The following HMGB1 variants were observed in gnomAD, a reference collection of about 807,000 sequenced individuals.
The protein encoded by HMGB1 is high mobility group protein B1.
For synonymous variants in HMGB1, 81 were observed against 84.0 expected, an observed-to-expected ratio of 0.96 and a Z score of 0.19; for missense variants, 79 against 253.5, an observed-to-expected ratio of 0.31 and a Z score of 4.67.
chr13:30,519,492 G>C (rs900538249), intron 1 of HMGB1, among the ~76,000 whole-genome samples: 1 of 149,890 alleles, frequency 6.7e-6, no homozygotes, highest in African/African-American at 2.5e-5. Flanking sequence ...TCAGGAGATC[G>C]AGACCATCCC....
At chr13:30,499,501 T>A (rs1225094096) in intron 1 of HMGB1, among the ~76,000 whole-genome samples, 1 of 152,216 alleles carries the variant, frequency 6.6e-6, no homozygotes, top group Non-Finnish European at 1.5e-5. Context: ...TTTTTCTTGT[T>A]TCAAACTGAG....
intron 1 of HMGB1, among the ~76,000 whole-genome samples, chr13:30,536,272 A>G (rs1473327034): frequency 6.6e-6 from 1 of 152,242 alleles, no homozygotes; most frequent in Non-Finnish European, 1.5e-5. Context: ...TTGACTTCCT[A>G]TCATAGGGTA....
chr13:30,558,402 AT>A (rs772844307), intron 1 of HMGB1, among the ~76,000 whole-genome samples: 59 of 152,364 alleles, frequency 3.9e-4, no homozygotes, highest in Non-Finnish European at 7.1e-4. Context: ...CTTACATCTC[AT>A]TCTTAGCCAA....
chr13:30,525,827 G>A (rs1305419053), intron 1 of HMGB1, among the ~76,000 whole-genome samples: 1 of 148,092 alleles, frequency 6.8e-6, no homozygotes, highest in Non-Finnish European at 1.5e-5. Flanking sequence ...TCCCTTGACA[G>A]GTGGGGATTA....
chr13:30,518,443 T>G (rs1163578720), intron 1 of HMGB1, among the ~76,000 whole-genome samples: 3 of 152,220 alleles, frequency 2.0e-5, no homozygotes, highest in African/African-American at 7.2e-5. Context: ...AAAGGTGTCC[T>G]GGCAGAACAT....
At chr13:30,604,755 T>G (rs1277223718) in intron 1 of HMGB1, among the ~76,000 whole-genome samples, 3 of 152,198 alleles carry the variant, frequency 2.0e-5, no homozygotes, top group African/African-American at 7.2e-5. Flanking sequence ...CCTCCTGGGT[T>G]CACGCCATTC....
intron 1 of HMGB1, among the ~76,000 whole-genome samples, chr13:30,518,846 C>CAAA (rs58109089): frequency 2.2e-5 from 2 of 89,004 alleles, no homozygotes; most frequent in Admixed American, 2.4e-4. Flanking sequence ...GCTGGGACCA[C>CAAA]AAAAAAAAAA....
chr13:30,595,613 A>G (rs1412163071), intron 1 of HMGB1, among the ~76,000 whole-genome samples: 1 of 152,248 alleles, frequency 6.6e-6, no homozygotes, highest in African/African-American at 2.4e-5. Flanking sequence ...ATCCAGGAGC[A>G]GCTTAACTGG....
At position 30,463,369 on chromosome 13, in the gene HMGB1, T is replaced by C; in HGVS notation, c.151-17A>G. ...AGACATGGTCTACAAAATAATTATT[T>C]GTAAGTTTAAGTTGTAACATTTAAG... On this transcript the variant is annotated splice_polypyrimidine_tract_variant and intron_variant, in intron 2 of 4. Coordinates refer to ENST00000341423, the MANE Select transcript of HMGB1 (RefSeq NM_002128.7). 6.3e-7 allele frequency: 1 copy of C among 1,586,698 alleles called. No individual in the cohort carries two copies.
chr13:30,462,301 A>C (rs1343466011), intron 4 of HMGB1: 2 of 530,640 alleles, frequency 3.8e-6, no homozygotes, highest in Non-Finnish European at 6.9e-6. Flanking sequence ...ACTTCAAGAT[A>C]CTGGGGAATA....
intron 1 of HMGB1, among the ~76,000 whole-genome samples, chr13:30,587,043 T>C (rs947172531): frequency 6.6e-6 from 1 of 152,194 alleles, no homozygotes; most frequent in African/African-American, 2.4e-5. Context: ...AAAACTTTAC[T>C]TTGTAGGATT....
intron 1 of HMGB1, among the ~76,000 whole-genome samples, chr13:30,535,914 A>C (rs1868412395): frequency 6.6e-6 from 1 of 152,160 alleles, no homozygotes; most frequent in Non-Finnish European, 1.5e-5. Flanking sequence ...AACAAAAATA[A>C]ACCTATTTTC....
chr13:30,473,231 C>G (rs557479146), intron 1 of HMGB1, among the ~76,000 whole-genome samples: 1 of 152,094 alleles, frequency 6.6e-6, no homozygotes, highest in African/African-American at 2.4e-5. Flanking sequence ...GCAGCTTCTC[C>G]GTGGGCAGCA....
chr13:30,502,095 C>G (rs1254722520), intron 1 of HMGB1, among the ~76,000 whole-genome samples: 2 of 152,146 alleles, frequency 1.3e-5, no homozygotes, highest in Admixed American at 1.3e-4. Flanking sequence ...TGCTAAAAAG[C>G]ATTGGTTCCA....
At chr13:30,514,639 T>G (rs979958951) in intron 1 of HMGB1, among the ~76,000 whole-genome samples, 9 of 152,064 alleles carry the variant, frequency 5.9e-5, no homozygotes, top group African/African-American at 2.2e-4. Flanking sequence ...TTTGTTTAGT[T>G]TTTTTGAGAG....
At chr13:30,585,878 G>A (rs1042565816) in intron 1 of HMGB1, among the ~76,000 whole-genome samples, 93 of 152,096 alleles carry the variant, frequency 6.1e-4, no homozygotes, top group Non-Finnish European at 1.2e-3. Flanking sequence ...TCCAACCCTT[G>A]GCCCATTTCT....
intron 1 of HMGB1, among the ~76,000 whole-genome samples, chr13:30,587,270 G>A (rs2137548851): frequency 6.6e-6 from 1 of 152,266 alleles, no homozygotes; most frequent in Middle Eastern, 3.4e-3. Context: ...CTGTGCCATG[G>A]CTAAAAGTTT....
At chr13:30,483,826 C>T (rs1887297017) in intron 1 of HMGB1, among the ~76,000 whole-genome samples, 1 of 152,040 alleles carries the variant, frequency 6.6e-6, no homozygotes, top group Non-Finnish European at 1.5e-5. Context: ...GTTGCCCAGG[C>T]TGGTCTCAAA....
intron 1 of HMGB1, among the ~76,000 whole-genome samples, chr13:30,579,710 C>A (rs907113997): frequency 9.9e-5 from 15 of 152,038 alleles, no homozygotes; most frequent in Non-Finnish European, 1.5e-5. Flanking sequence ...TACGTAAATG[C>A]CTGGCACTTA....
Sources: gnomAD v4.1 joint callset for allele counts (sites outside exome capture counted in the v4.1 genomes callset) on GRCh38, gnomAD v4.1.1 for gene constraint, MANE v1.5 for transcripts, NCBI Gene and HGNC (gene_info 2026-07-23, HGNC 2026-07-21) for gene names.